Variants in FAF1 observed in about 807,000 individuals in gnomAD.
FAF1 encodes FAS-associated factor 1.
In FAF1, 25 loss-of-function variants were observed where a neutral mutation model predicts 92.5. The observed-to-expected ratio is 0.27, with a 90% CI of 0.20 to 0.38. The LOEUF (loss-of-function observed/expected upper bound fraction) is 0.38, where lower values mean the gene tolerates loss of function less well. FAF1 is among the 10% of genes least tolerant of loss of function. The pLI, the probability that FAF1 is intolerant of heterozygous loss-of-function variation, is 1.00. For synonymous variants in FAF1, 234 were observed against 273.2 expected, an observed-to-expected ratio of 0.86 and a Z score of 1.42; for missense variants, 636 against 793.3, an observed-to-expected ratio of 0.80 and a Z score of 2.38.
At chr1:50,880,772 G>A (rs1168233508) in intron 1 of FAF1, among the ~76,000 whole-genome samples, 1 of 152,122 alleles carries the variant, frequency 6.6e-6, no homozygotes, top group Non-Finnish European at 1.5e-5. Context: ...TTAATGTAGG[G>A]CAGAACAAAA....
intron 12 of FAF1, chr1:50,582,333 G>C: frequency 3.0e-6 from 1 of 329,504 alleles, no homozygotes; most frequent in Middle Eastern, 8.8e-4. Flanking sequence ...TGGGTATCTT[G>C]GTGAAGACTA....
chr1:50,753,483 T>C (rs1425713042), intron 4 of FAF1, among the ~76,000 whole-genome samples: 1 of 152,230 alleles, frequency 6.6e-6, no homozygotes, highest in East Asian at 1.9e-4. Context: ...GACATATGCC[T>C]CCATTTCTCT....
chr1:50,494,953 T>A (rs865998564), intron 15 of FAF1, among the ~76,000 whole-genome samples: 3 of 152,190 alleles, frequency 2.0e-5, no homozygotes, highest in Non-Finnish European at 2.9e-5. Flanking sequence ...GTTAGAATTA[T>A]AATTTACTTA....
chr1:50,790,438 CTTTA>C (rs1009980105), intron 3 of FAF1, among the ~76,000 whole-genome samples: 2 of 152,158 alleles, frequency 1.3e-5, no homozygotes, highest in African/African-American at 2.4e-5. Flanking sequence ...CCGCACCCGG[CTTTA>C]TTTGTGTTTT....
chr1:50,539,823 T>TA, intron 13 of FAF1, 95 bp from the exon 14 acceptor site: 1 of 837,304 alleles, frequency 1.2e-6, no homozygotes, highest in Non-Finnish European at 1.9e-6. Flanking sequence ...TTAGTTATGT[T>TA]AAATTAGACA....
chr1:50,584,744 C>A lies in FAF1; in HGVS notation c.908G>T (p.Gly303Val), dbSNP rs1282490672. 2 of 1,613,504 alleles carry A rather than the reference C, an allele frequency of 1.2e-6. No individual in the cohort carries two copies. Among genetic ancestry groups the A allele is most frequent in the Non-Finnish European group, 1.7e-6 (2 of 1,179,680 alleles). Residue 303 changes from glycine to valine, a missense_variant, in exon 10 of 19, where the codon GGG (glycine) becomes GTG (valine). Around this residue, in one of 2 missense-constraint regions of FAF1, gnomAD observed 319 missense variants for 451.0 expected, o/e 0.71. Transcript: ENST00000396153. ...GCCAAATACTTCTCCATCATCCACC[C>A]CAAATTCTGTAGCATCTTCAAAGTC... ...GDDFEDATEFGVDDGEVFGMA... is the reference protein window; with the variant it reads ...GDDFEDATEFVVDDGEVFGMA...
chr1:50,458,160 C>A (rs1326141258), intron 18 of FAF1, among the ~76,000 whole-genome samples: 1 of 152,130 alleles, frequency 6.6e-6, no homozygotes, highest in African/African-American at 2.4e-5. Flanking sequence ...TTGCAGTGAG[C>A]TGAGATTGAG....
At chr1:50,621,397 T>TC (rs1290893293) in intron 8 of FAF1, among the ~76,000 whole-genome samples, 8 of 124,918 alleles carry the variant, frequency 6.4e-5, no homozygotes, top group African/African-American at 1.6e-4. Context: ...TTTTCTTTTT[T>TC]TTTTTTTTTT....
chr1:50,771,867 C>T (rs1352106228), intron 4 of FAF1, among the ~76,000 whole-genome samples: 1 of 152,166 alleles, frequency 6.6e-6, no homozygotes, highest in Non-Finnish European at 1.5e-5. Flanking sequence ...TGCCATTGCA[C>T]GCTAGCCTGG....
intron 1 of FAF1, among the ~76,000 whole-genome samples, chr1:50,894,494 AC>A (rs1472847640): frequency 6.6e-6 from 1 of 151,814 alleles, no homozygotes; most frequent in Non-Finnish European, 1.5e-5. Flanking sequence ...CTGGTGCTCT[AC>A]CCCTGTGGCC....
In FAF1 at chr1:50,537,283, C is replaced by T. The variant is rs137994124; in HGVS notation, c.1406-1826G>A. On this transcript the variant is annotated intron_variant, in intron 14 of 18. Transcript: ENST00000396153. ...TTTTTAGGCTTAAGTCACTGCTTAT[C>T]AGCTATGTTTTAGCCCTAACTGGAA... Among the ~76,000 whole-genome samples the T allele has an allele frequency of 4.5e-3, 681 of 152,312 alleles. 4 individuals carry two copies. The highest frequency in any genetic ancestry group is 7.7e-3 in the Non-Finnish European group (527 of 68,020).
At chr1:50,715,964 A>C (rs1279009225) in intron 6 of FAF1, among the ~76,000 whole-genome samples, 1 of 152,198 alleles carries the variant, frequency 6.6e-6, no homozygotes, top group Non-Finnish European at 1.5e-5. Flanking sequence ...ATCATCAACA[A>C]CACAAAGAAA....
At chr1:50,878,715 C>A (rs145987817) in intron 1 of FAF1, among the ~76,000 whole-genome samples, 1 of 152,210 alleles carries the variant, frequency 6.6e-6, no homozygotes, top group East Asian at 1.9e-4. Context: ...CATTAAAATC[C>A]TTACACATTA....
chr1:50,549,457 C>T (rs1649190524), intron 13 of FAF1, among the ~76,000 whole-genome samples: 1 of 151,656 alleles, frequency 6.6e-6, no homozygotes, highest in African/African-American at 2.4e-5. Context: ...TACAGGCATG[C>T]ACCACCATGC....
intron 8 of FAF1, among the ~76,000 whole-genome samples, chr1:50,636,427 C>A (rs1654014232): frequency 8.3e-6 from 1 of 120,356 alleles, no homozygotes; most frequent in Admixed American, 1.1e-4. Flanking sequence ...CCTCTATCAT[C>A]CTGGCTTGAG....
chr1:50,530,238 GGTGT>G (rs72220248), intron 15 of FAF1, among the ~76,000 whole-genome samples: 5,976 of 141,592 alleles, frequency 0.042, 261 homozygotes, highest in African/African-American at 0.11. Flanking sequence ...TTTAAGAAGT[GGTGT>G]GTGTGTGTGT....
intron 8 of FAF1, among the ~76,000 whole-genome samples, chr1:50,606,327 T>A (rs550413040): frequency 1.3e-5 from 2 of 152,176 alleles, no homozygotes; most frequent in Non-Finnish European, 2.9e-5. Context: ...ACCAAAGATA[T>A]CCAAATGATG....
intron 17 of FAF1, among the ~76,000 whole-genome samples, chr1:50,482,632 T>C (rs1209831682): frequency 6.6e-6 from 1 of 152,220 alleles, no homozygotes; most frequent in Non-Finnish European, 1.5e-5. Context: ...CCGTCATTAA[T>C]GTGTAAGAGT....
intron 4 of FAF1, among the ~76,000 whole-genome samples, chr1:50,779,077 A>G (rs1170122187): frequency 6.6e-6 from 1 of 152,202 alleles, no homozygotes; most frequent in Non-Finnish European, 1.5e-5. Context: ...CTTCATCAGC[A>G]ATAGATTACA....
Sources: allele counts gnomAD v4.1 joint callset (sites outside exome capture counted in the v4.1 genomes callset), GRCh38; gene constraint gnomAD v4.1.1; regional missense constraint gnomAD v4.1.1; transcripts MANE v1.5; gene names NCBI Gene and HGNC (gene_info 2026-07-23, HGNC 2026-07-21).